The following COG4 variants were observed in gnomAD, a reference collection of about 807,000 sequenced individuals.
The protein encoded by COG4 is component of oligomeric golgi complex 4.
In COG4, 65 loss-of-function variants were observed where a neutral mutation model predicts 95.1. That is an observed-to-expected ratio of 0.68 (90% CI 0.56 to 0.84). COG4 has a LOEUF of 0.84. Ranked by LOEUF, COG4 falls within the 40% of genes least tolerant of loss-of-function variation. The probability of loss-of-function intolerance (pLI) is 0.00; values close to 1 mark genes in which losing one functional copy is unlikely to be tolerated. For synonymous variants in COG4, 421 were observed against 374.8 expected (o/e 1.12, Z -1.42); for missense variants, 1,045 against 989.1 (o/e 1.06, Z -0.76).
intron 12 of COG4, among the ~76,000 whole-genome samples, chr16:70,493,254 T>C (rs547372700): frequency 6.8e-4 from 103 of 152,174 alleles, no homozygotes; most frequent in African/African-American, 2.4e-3. Context: ...TCTGCATGGA[T>C]CTAGCCTGTT....
At chr16:70,486,163 A>G (rs111289764) in intron 13 of COG4, among the ~76,000 whole-genome samples, 2,078 of 151,548 alleles carry the variant, frequency 0.014, 52 homozygotes, top group African/African-American at 0.046. Context: ...CCAAAGTGCT[A>G]GGATTACAGG....
chr16:70,482,079 G>A lies in COG4; in HGVS notation c.2004+13C>T, dbSNP rs1454417210. ...GGTAATTCCCTAAGTGGATCCCTAG[G>A]GCCCCTGCTCACCTTGAACTCTGCC... On this transcript the variant is annotated intron_variant, in intron 16 of 18. Transcript: ENST00000323786. The A allele has an allele frequency of 1.2e-6, 2 of 1,607,644 alleles. No individual in the cohort carries two copies. Among genetic ancestry groups the A allele is most frequent in the South Asian group, 1.1e-5 (1 of 90,956 alleles).
chr16:70,490,889 G>A (rs2049230031), intron 12 of COG4, among the ~76,000 whole-genome samples: 1 of 151,918 alleles, frequency 6.6e-6, no homozygotes. Flanking sequence ...TTGATCTCCT[G>A]ACCTCATGAT....
chr16:70,519,556 T>C, intron 2 of COG4, 93 bp downstream of exon 2: 1 of 829,810 alleles, frequency 1.2e-6, no homozygotes, highest in South Asian at 1.4e-5. Context: ...CAAGCTGAAC[T>C]GGTGTTTATA....
chr16:70,509,466 C>T lies in COG4; in HGVS notation c.845-78G>A, dbSNP rs771125519. The T allele has an allele frequency of 5.7e-5, 86 of 1,521,628 alleles. 1 individual carries two copies. The highest frequency in any genetic ancestry group is 3.1e-4 in the South Asian group (27 of 87,458). The allele number at this position is 1,521,628 out of a possible 1,614,324, so 94.3% of individuals were successfully genotyped here. ...AAACTTGCTCCCATCCAGGACTAAC[C>T]GAAGGTCTAGCTCAATCCTTTTGGC... On this transcript the variant is annotated intron_variant, in intron 6 of 18. Transcript: ENST00000323786.
At chr16:70,511,044 C>T (rs569346344) in intron 5 of COG4, among the ~76,000 whole-genome samples, 9 of 152,142 alleles carry the variant, frequency 5.9e-5, no homozygotes, top group Non-Finnish European at 1.0e-4. Context: ...GGATTACAGG[C>T]GTGAGTCACC....
At position 70,523,414 on chromosome 16, in the gene COG4, G is replaced by T. The variant is rs1323147352; in HGVS notation, c.130C>A (p.Gln44Lys). 6.2e-7 allele frequency: 1 copy of T among 1,614,148 alleles called. No homozygotes were observed. The highest frequency in any genetic ancestry group is 8.5e-7 in the Non-Finnish European group (1 of 1,180,030). ...AELIRSLTELQELEAVYERLC... is the reference protein window; with the variant it reads ...AELIRSLTELKELEAVYERLC... The stretch of plus-strand genomic sequence containing the variant: ...CGTTCGTATACAGCCTCCAGCTCCT[G>T]CAGCTCTGTCAGGGAGCGAATGAGC... Residue 44 changes from glutamine to lysine, a missense_variant, in exon 1 of 19, where the codon CAG (glutamine) becomes AAG (lysine). Physicochemically the swap from Gln to Lys is moderately conservative, Grantham distance 53. Coordinates refer to ENST00000323786, the MANE Select transcript of COG4 (RefSeq NM_015386.3).
chr16:70,513,138 C>G (rs935079048), intron 4 of COG4, among the ~76,000 whole-genome samples: 4 of 152,104 alleles, frequency 2.6e-5, no homozygotes, highest in Non-Finnish European at 4.4e-5. Flanking sequence ...TGAATAGAAG[C>G]AGAAAGATGA....
chr16:70,523,214 T>C, intron 1 of COG4, 159 bp downstream of exon 1: 1 of 819,856 alleles, frequency 1.2e-6, no homozygotes. Flanking sequence ...TGAAAAGAGT[T>C]GACAGGACTA....
chr16:70,482,587 C>CCTAG, intron 15 of COG4, 142 bp downstream of exon 15: 1 of 729,010 alleles, frequency 1.4e-6, no homozygotes, highest in Non-Finnish European at 2.5e-6. Context: ...CTGGGAGGAA[C>CCTAG]CTAGTCTTCA....
At chr16:70,521,969 G>A (rs2049954344) in intron 1 of COG4, among the ~76,000 whole-genome samples, 1 of 151,576 alleles carries the variant, frequency 6.6e-6, no homozygotes, top group African/African-American at 2.4e-5. Context: ...CCAAAGTGCT[G>A]GGGTTACAGG....
At position 70,514,383 on chromosome 16, in the gene COG4, A is replaced by C. The variant is rs1413305790; in HGVS notation, c.496T>G (p.Leu166Val). ...TCAATGACCGACTTGTCCAGGCACA[A>C]GTAGCGATGAGTATGTGCTGCAGCC... Reference protein sequence around the residue: ...EQAAAHTHRYLCLDKSVIELS... With the variant: ...EQAAAHTHRYVCLDKSVIELS... Residue 166 changes from leucine to valine, a missense_variant, in exon 4 of 19, where the codon TTG (leucine) becomes GTG (valine). Leu to Val is a conservative substitution (Grantham distance 32). Transcript: ENST00000323786. 1 of 1,614,030 alleles carries C rather than the reference A, an allele frequency of 6.2e-7. No individual in the cohort carries two copies. The highest frequency in any genetic ancestry group is 1.7e-5 in the Admixed American group (1 of 59,990).
At chr16:70,490,534 C>T (rs1160522693) in intron 12 of COG4, 142 bp from the exon 13 acceptor site, 1 of 734,102 alleles carries the variant, frequency 1.4e-6, no homozygotes, top group Non-Finnish European at 2.5e-6. Flanking sequence ...TGAAAACCCA[C>T]ACTGCTACAT....
In COG4 at chr16:70,497,385, A is replaced by G. The variant is rs1296799245; in HGVS notation, c.1317T>C (p.Ala439=). ...EYFMRETVNK[A]VALDTYEKGQ... ...CCTTCTCATAGGTGTCCAGAGCCAC[A>G]GCCTACCCAAAAGGCAAAGCCAACA... Residue 439 remains alanine (A), a splice_region_variant and synonymous_variant, in exon 11 of 19, where the codon GCT becomes GCC. Coordinates refer to ENST00000323786, the MANE Select transcript of COG4 (RefSeq NM_015386.3). 3 of 1,613,006 alleles carry G rather than the reference A, an allele frequency of 1.9e-6. No individual in the cohort carries two copies. Among genetic ancestry groups the G allele is most frequent in the Non-Finnish European group, 2.5e-6 (3 of 1,180,008 alleles).
chr16:70,504,710 G>A (rs986577899), intron 8 of COG4, among the ~76,000 whole-genome samples: 7 of 151,540 alleles, frequency 4.6e-5, no homozygotes, highest in African/African-American at 1.7e-4. Context: ...AGGAGTTTGA[G>A]ACCAGCCTGG....
In COG4 at chr16:70,508,415, AT is replaced by A; in HGVS notation, c.1051del (p.Ile351SerfsTer10). The A allele has an allele frequency of 6.2e-7, 1 of 1,613,866 alleles. No individual in the cohort carries two copies. Reference protein sequence around the residue: ...NLMRNSTTEKIEPRELDPILT... With the variant: ...NLMRNSTTEKXEPRELDPILT... ...AGAGAAGGATTATTACCTTGGTTCG[AT>A]TTTTTCTGTTGTAGAATTTCTCATC... On this transcript the variant is annotated frameshift_variant, in exon 8 of 19. Coordinates refer to ENST00000323786, the MANE Select transcript of COG4 (RefSeq NM_015386.3). LOFTEE classifies it high-confidence loss of function.
intron 3 of COG4, 94 bp downstream of exon 3, chr16:70,517,531 TG>T: frequency 1.4e-6 from 1 of 737,474 alleles, no homozygotes; most frequent in Non-Finnish European, 2.3e-6. Flanking sequence ...GGGGCTGTAG[TG>T]AGCTGTCATT....
intron 14 of COG4, among the ~76,000 whole-genome samples, chr16:70,483,149 T>C (rs1213599865): frequency 5.5e-5 from 2 of 36,600 alleles, no homozygotes; most frequent in Admixed American, 3.7e-4. Flanking sequence ...TCCCCACCCC[T>C]TCCCTCTCTC....
intron 5 of COG4, among the ~76,000 whole-genome samples, chr16:70,511,435 T>C (rs374514461): frequency 1.3e-5 from 2 of 151,584 alleles, no homozygotes; most frequent in South Asian, 2.1e-4. Flanking sequence ...GACATATAGC[T>C]AAAAAACGGC....
Sources: gnomAD v4.1 joint callset for allele counts (sites outside exome capture counted in the v4.1 genomes callset) on GRCh38, gnomAD v4.1.1 for gene constraint, MANE v1.5 for transcripts, NCBI Gene and HGNC (gene_info 2026-07-23, HGNC 2026-07-21) for gene names.